The following FRMD6 variants were observed in gnomAD, a reference collection of about 807,000 sequenced individuals.
FRMD6 encodes FERM domain-containing protein 6.
In FRMD6, 37 loss-of-function variants were observed where a neutral mutation model predicts 73.2. The observed-to-expected ratio is 0.51, with a 90% CI of 0.39 to 0.66. The LOEUF is 0.66. FRMD6 is among the 30% of genes least tolerant of loss of function. The probability of loss-of-function intolerance (pLI) is 0.00; values close to 1 mark genes in which losing one functional copy is unlikely to be tolerated. For synonymous variants in FRMD6, 273 were observed against 282.2 expected (o/e 0.97, Z 0.33); for missense variants, 714 against 780.5 (o/e 0.91, Z 1.02).
chr14:51,438,568 G>GA, the FRMD6 span, among the ~76,000 whole-genome samples: 2 of 152,102 alleles, frequency 1.3e-5, no homozygotes, highest in Non-Finnish European at 2.9e-5. Context: ...CACTTTACAG[G>GA]AAAACCTCAG....
intron 9 of FRMD6, among the ~76,000 whole-genome samples, chr14:51,712,835 C>T (rs534590452): frequency 9.2e-5 from 14 of 152,306 alleles, no homozygotes; most frequent in African/African-American, 2.9e-4. Flanking sequence ...TGGTCCGTAG[C>T]ACATGACCCT....
chr14:51,456,143 T>C, the FRMD6 span, among the ~76,000 whole-genome samples: 1 of 152,228 alleles, frequency 6.6e-6, no homozygotes, highest in East Asian at 1.9e-4. Flanking sequence ...TTTTTCTCTT[T>C]TTTTCTTTTA....
At chr14:51,422,347 G>A in the FRMD6 span, among the ~76,000 whole-genome samples, 13 of 152,184 alleles carry the variant, frequency 8.5e-5, no homozygotes, top group African/African-American at 2.9e-4. Context: ...TGGTATTTAG[G>A]AAATGATATT....
chr14:51,654,046 C>G (rs966048101), intron 1 of FRMD6, among the ~76,000 whole-genome samples: 3 of 152,110 alleles, frequency 2.0e-5, no homozygotes, highest in Non-Finnish European at 4.4e-5. Context: ...TTGCAGTACT[C>G]AAGACATTTT....
intron 1 of FRMD6, among the ~76,000 whole-genome samples, chr14:51,525,291 G>A (rs765510424): frequency 5.9e-5 from 9 of 151,422 alleles, no homozygotes; most frequent in Non-Finnish European, 1.2e-4. Flanking sequence ...TTTTTGAGTC[G>A]GAGTTTTGCT....
rs571911377 is a variant in FRMD6 at position 51,670,711 on chromosome 14, TC to T, written c.-147+18716del. On this transcript the variant is annotated intron_variant, in intron 1 of 13. Coordinates refer to ENST00000344768, the MANE Select transcript of FRMD6 (RefSeq NM_001267046.2). ...CCTAGGCTGGAGTGCAGTGGCGCAG[TC>T]TTGGCTCACTGCAACCTCCACTTCC... Among the ~76,000 whole-genome samples, 1,001 of 152,034 alleles carry T rather than the reference TC, an allele frequency of 6.6e-3. 10 individuals are homozygous for T. Among genetic ancestry groups the T allele is most frequent in the African/African-American group, 0.023 (951 of 41,472 alleles).
intron 2 of FRMD6, among the ~76,000 whole-genome samples, chr14:51,604,001 T>C (rs1594589432): frequency 7.0e-6 from 1 of 142,876 alleles, no homozygotes; most frequent in African/African-American, 2.6e-5. Context: ...CAGAGGAAGG[T>C]GAGGGAGTGA....
intron 1 of FRMD6, among the ~76,000 whole-genome samples, chr14:51,493,483 C>T (rs1312646629): frequency 2.0e-5 from 3 of 152,098 alleles, no homozygotes; most frequent in Non-Finnish European, 4.4e-5. Context: ...GGGGAGTTCC[C>T]CTGCACATGC....
intron 2 of FRMD6, among the ~76,000 whole-genome samples, chr14:51,605,717 A>G (rs1177071278): frequency 2.0e-5 from 3 of 152,192 alleles, no homozygotes; most frequent in African/African-American, 7.2e-5. Flanking sequence ...GACTCTTTCT[A>G]TCATTGGAAA....
At chr14:51,570,146 T>C (rs1007069294) in intron 1 of FRMD6, among the ~76,000 whole-genome samples, 11 of 152,200 alleles carry the variant, frequency 7.2e-5, no homozygotes, top group Admixed American at 1.3e-4. Context: ...GAGAATTTTC[T>C]TTTTAACTTG....
exon 1 of FRMD6, chr14:51,489,244 C>T (rs566722322): frequency 2.3e-4 from 35 of 152,360 alleles, no homozygotes; most frequent in African/African-American, 8.2e-4. Context: ...CACTCTGGCA[C>T]TCAAAAAGCC....
chr14:51,456,526 C>CATTT, the FRMD6 span, among the ~76,000 whole-genome samples: 2 of 152,154 alleles, frequency 1.3e-5, no homozygotes, highest in African/African-American at 4.8e-5. Context: ...TGTATATATG[C>CATTT]CACATTTTCT....
the FRMD6 span, chr14:51,435,923 CT>C: frequency 6.4e-6 from 1 of 157,200 alleles, no homozygotes; most frequent in East Asian, 1.9e-4. Context: ...TAAATGTCAA[CT>C]AAAAAAGATT....
chr14:51,590,280 A>G (rs1409196071), intron 2 of FRMD6, among the ~76,000 whole-genome samples: 1 of 152,196 alleles, frequency 6.6e-6, no homozygotes, highest in Non-Finnish European at 1.5e-5. Context: ...ATGTTTGACC[A>G]GAGAACTATT....
intron 1 of FRMD6, among the ~76,000 whole-genome samples, chr14:51,569,824 T>C (rs997544765): frequency 2.2e-5 from 1 of 44,770 alleles, no homozygotes; most frequent in East Asian, 3.0e-4. Context: ...CTTCTTTTTC[T>C]TTTTTTTTTT....
chr14:51,482,823 C>T, the FRMD6 span, among the ~76,000 whole-genome samples: 1 of 152,092 alleles, frequency 6.6e-6, no homozygotes, highest in Non-Finnish European at 1.5e-5. Context: ...GCCTCAGCCT[C>T]CCGAGTAGCT....
At chr14:51,529,562 T>C (rs1489781180) in intron 1 of FRMD6, among the ~76,000 whole-genome samples, 1 of 152,234 alleles carries the variant, frequency 6.6e-6, no homozygotes, top group Non-Finnish European at 1.5e-5. Context: ...GTGTTTCTTA[T>C]ATATCCAGTA....
At chr14:51,544,066 C>T (rs1886339355) in intron 1 of FRMD6, among the ~76,000 whole-genome samples, 1 of 151,952 alleles carries the variant, frequency 6.6e-6, no homozygotes, top group Non-Finnish European at 1.5e-5. Context: ...CAAAAACATG[C>T]CCAGTCTCAT....
At chr14:51,657,405 A>T (rs1255566625) in intron 1 of FRMD6, among the ~76,000 whole-genome samples, 1 of 152,236 alleles carries the variant, frequency 6.6e-6, no homozygotes, top group Non-Finnish European at 1.5e-5. Context: ...GATAACCATT[A>T]TGCTGACTTT....
Sources: gnomAD v4.1 joint callset for allele counts (sites outside exome capture counted in the v4.1 genomes callset) on GRCh38, gnomAD v4.1.1 for gene constraint, MANE v1.5 for transcripts, NCBI Gene and HGNC (gene_info 2026-07-23, HGNC 2026-07-21) for gene names.